Variants in PPFIA2 observed in about 807,000 individuals in gnomAD.
PPFIA2 encodes liprin-alpha-2.
A neutral mutation model predicts 175.5 loss-of-function variants in PPFIA2; 46 were observed. The observed-to-expected ratio is 0.26, with a 90% CI of 0.21 to 0.34. The LOEUF is 0.34. Among genes scored for constraint, PPFIA2 ranks in the 10% least tolerant of loss-of-function variants. The pLI, the probability that PPFIA2 is intolerant of heterozygous loss-of-function variation, is 1.00. For synonymous variants in PPFIA2, 568 were observed against 511.4 expected, an observed-to-expected ratio of 1.11 and a Z score of -1.49; for missense variants, 1,179 against 1,506.1, an observed-to-expected ratio of 0.78 and a Z score of 3.60.
At chr12:81,469,973 C>T (rs1043716076) in intron 4 of PPFIA2, among the ~76,000 whole-genome samples, 2 of 152,324 alleles carry the variant, frequency 1.3e-5, no homozygotes, top group Admixed American at 1.3e-4. Context: ...CAGCAGAACC[C>T]ATCCATGCTG....
At chr12:81,752,017 T>A (rs2083890465) in intron 3 of PPFIA2, among the ~76,000 whole-genome samples, 2 of 152,078 alleles carry the variant, frequency 1.3e-5, no homozygotes, top group South Asian at 4.1e-4. Context: ...TTGAATAAAA[T>A]CTAGAAAGAC....
chr12:81,339,108 TGAAA>T (rs1196742415), intron 21 of PPFIA2, 68 bp downstream of exon 21: 2 of 1,271,350 alleles, frequency 1.6e-6, no homozygotes, highest in African/African-American at 3.1e-5. Flanking sequence ...TGAAATGAAA[TGAAA>T]GATAGATGGA....
At chr12:81,394,228 A>G (rs1375986063) in intron 8 of PPFIA2, among the ~76,000 whole-genome samples, 2 of 152,044 alleles carry the variant, frequency 1.3e-5, no homozygotes, top group Non-Finnish European at 2.9e-5. Flanking sequence ...TAACTTAGGC[A>G]GAACAACATT....
At chr12:81,661,052 A>G (rs2068753732) in intron 4 of PPFIA2, among the ~76,000 whole-genome samples, 1 of 152,242 alleles carries the variant, frequency 6.6e-6, no homozygotes, top group Admixed American at 6.5e-5. Context: ...AGGAAGCACT[A>G]AACATGGAAA....
At chr12:81,530,109 T>C (rs1183771446) in intron 4 of PPFIA2, among the ~76,000 whole-genome samples, 1 of 152,036 alleles carries the variant, frequency 6.6e-6, no homozygotes, top group African/African-American at 2.4e-5. Context: ...AGATGTTTTA[T>C]TGGAACACAG....
intron 4 of PPFIA2, among the ~76,000 whole-genome samples, chr12:81,577,654 T>C (rs1388475157): frequency 6.6e-6 from 1 of 151,782 alleles, no homozygotes; most frequent in African/African-American, 2.4e-5. Context: ...AATAAAGTAT[T>C]TAGGTAAAGT....
At chr12:81,310,299 T>A (rs1179278950) in intron 22 of PPFIA2, among the ~76,000 whole-genome samples, 1 of 152,138 alleles carries the variant, frequency 6.6e-6, no homozygotes, top group Non-Finnish European at 1.5e-5. Flanking sequence ...TCTTCCTATG[T>A]CATCTTCACT....
chr12:81,680,946 T>C (rs909083469), intron 3 of PPFIA2, among the ~76,000 whole-genome samples: 14 of 152,098 alleles, frequency 9.2e-5, no homozygotes, highest in African/African-American at 3.4e-4. Context: ...GAGCACCTTA[T>C]TAAATTTTGT....
chr12:81,647,373 TG>T (rs2066271492), intron 4 of PPFIA2, among the ~76,000 whole-genome samples: 1 of 151,810 alleles, frequency 6.6e-6, no homozygotes, highest in Non-Finnish European at 1.5e-5. Context: ...CCAAAAATAA[TG>T]AAAAAAGAAC....
At chr12:81,581,967 C>A (rs1245007420) in intron 4 of PPFIA2, among the ~76,000 whole-genome samples, 1 of 151,810 alleles carries the variant, frequency 6.6e-6, no homozygotes, top group Non-Finnish European at 1.5e-5. Context: ...ATAAACTGAA[C>A]CTCGGGGAAA....
chr12:81,481,125 T>C (rs142156701), intron 4 of PPFIA2, among the ~76,000 whole-genome samples: 6 of 152,102 alleles, frequency 3.9e-5, no homozygotes, highest in Non-Finnish European at 7.4e-5. Flanking sequence ...AAATCATGAG[T>C]GAACTACCAT....
chr12:81,375,632 G>C (rs2036185867), intron 10 of PPFIA2, 164 bp downstream of exon 10: 1 of 715,648 alleles, frequency 1.4e-6, no homozygotes, highest in Non-Finnish European at 2.3e-6. Flanking sequence ...TTTCTGGAAA[G>C]TAAATTTCAC....
At chr12:81,449,462 G>T (rs2051988418) in intron 5 of PPFIA2, among the ~76,000 whole-genome samples, 1 of 143,420 alleles carries the variant, frequency 7.0e-6, no homozygotes. Flanking sequence ...TTACAGTCAT[G>T]TTATGATATA....
chr12:81,361,867 C>T (rs1191158071), intron 15 of PPFIA2, among the ~76,000 whole-genome samples: 1 of 151,422 alleles, frequency 6.6e-6, no homozygotes, highest in Admixed American at 6.6e-5. Flanking sequence ...TTCTGTGTTG[C>T]CTAGTAAATA....
chr12:81,327,119 A>G (rs963592028), intron 21 of PPFIA2, among the ~76,000 whole-genome samples: 1 of 152,136 alleles, frequency 6.6e-6, no homozygotes, highest in Non-Finnish European at 1.5e-5. Context: ...TAACTTGGGA[A>G]CATTGATATA....
chr12:81,531,300 A>C (rs1473018756), intron 4 of PPFIA2, among the ~76,000 whole-genome samples: 1 of 151,926 alleles, frequency 6.6e-6, no homozygotes, highest in Non-Finnish European at 1.5e-5. Context: ...GAATGATAAT[A>C]TCCCTGCCCT....
intron 4 of PPFIA2, among the ~76,000 whole-genome samples, chr12:81,462,570 GTA>G (rs1254816940): frequency 4.2e-4 from 31 of 74,172 alleles, no homozygotes; most frequent in African/African-American, 1.4e-3. Context: ...ATATATATGT[GTA>G]TATATATATA....
At chr12:81,692,441 T>C (rs1451568920) in intron 3 of PPFIA2, among the ~76,000 whole-genome samples, 1 of 152,186 alleles carries the variant, frequency 6.6e-6, no homozygotes, top group Non-Finnish European at 1.5e-5. Context: ...GGTAATTATT[T>C]ACACAGGAAT....
intron 3 of PPFIA2, among the ~76,000 whole-genome samples, chr12:81,683,008 T>A (rs1272569730): frequency 6.6e-6 from 1 of 152,114 alleles, no homozygotes; most frequent in Non-Finnish European, 1.5e-5. Context: ...TGATAAATTT[T>A]GAATTTCTAT....
Sources: gnomAD v4.1 joint callset for allele counts (sites outside exome capture counted in the v4.1 genomes callset) on GRCh38, gnomAD v4.1.1 for gene constraint, MANE v1.5 for transcripts, NCBI Gene and HGNC (gene_info 2026-07-23, HGNC 2026-07-21) for gene names.